The following CAMK4 variants were observed in gnomAD, a reference collection of about 807,000 sequenced individuals.
CAMK4 encodes the protein calcium/calmodulin dependent protein kinase IV.
CAMK4 carries 22 observed loss-of-function variants against 44.9 expected under a neutral mutation model. The observed-to-expected ratio is 0.49, with a 90% CI of 0.35 to 0.70. The LOEUF is 0.70. CAMK4 is among the 30% of genes least tolerant of loss of function. CAMK4 has a pLI of 0.01. For synonymous variants in CAMK4, 218 were observed against 215.4 expected (o/e 1.01, Z -0.11); for missense variants, 498 against 586.8 (o/e 0.85, Z 1.56).
intron 1 of CAMK4, among the ~76,000 whole-genome samples, chr5:111,273,628 A>G (rs1750609286): frequency 7.0e-6 from 1 of 143,800 alleles, no homozygotes. Flanking sequence ...TTCCAGAGGA[A>G]CTAATGTTTC....
At chr5:111,319,246 T>C (rs559659829) in intron 1 of CAMK4, among the ~76,000 whole-genome samples, 12 of 152,144 alleles carry the variant, frequency 7.9e-5, no homozygotes, top group Non-Finnish European at 1.5e-4. Flanking sequence ...AATTTATCAA[T>C]TGAAAAAGTG....
chr5:111,445,005 T>C lies in CAMK4; in HGVS notation c.460-1681T>C, dbSNP rs935842263. Among the ~76,000 whole-genome samples, 3 of 152,178 alleles carry C rather than the reference T, an allele frequency of 2.0e-5. No individual in the cohort carries two copies. The South Asian group carries it at 6.2e-4, about 32-fold the overall frequency. On this transcript the variant is annotated intron_variant, in intron 5 of 10. Coordinates refer to ENST00000282356, the MANE Select transcript of CAMK4 (RefSeq NM_001744.6). ...CATACATTGTTTGTGTGAGTGAAAA[T>C]TGATGGAGGCTTTTAGGAAAGTGAT...
At chr5:111,435,234 C>A (rs1009490108) in intron 5 of CAMK4, among the ~76,000 whole-genome samples, 1 of 152,062 alleles carries the variant, frequency 6.6e-6, no homozygotes, top group African/African-American at 2.4e-5. Flanking sequence ...CTTTAGGAAT[C>A]ATTTATACAT....
At chr5:111,311,457 G>T (rs1748200906) in intron 1 of CAMK4, among the ~76,000 whole-genome samples, 1 of 152,126 alleles carries the variant, frequency 6.6e-6, no homozygotes, top group Non-Finnish European at 1.5e-5. Flanking sequence ...ACGTTGATGG[G>T]CCCCATTCTC....
intron 1 of CAMK4, chr5:111,277,433 T>C (rs994875907): frequency 2.0e-5 from 3 of 152,242 alleles, no homozygotes; most frequent in Non-Finnish European, 4.4e-5. Context: ...TTAAAAGCAA[T>C]GTTTCATTCG....
chr5:111,396,628 A>ATTATTTTT (rs1210775733), intron 5 of CAMK4, among the ~76,000 whole-genome samples: 1 of 41,300 alleles, frequency 2.4e-5, no homozygotes, highest in African/African-American at 1.0e-4. Context: ...ATTAACTCAT[A>ATTATTTTT]TTCTTTTTTT....
intron 1 of CAMK4, among the ~76,000 whole-genome samples, chr5:111,236,773 T>A (rs937991272): frequency 6.6e-6 from 1 of 152,188 alleles, no homozygotes; most frequent in African/African-American, 2.4e-5. Context: ...TGCTTTGTCG[T>A]CTTCACCACC....
At chr5:111,230,307 G>T (rs1261695752) in intron 1 of CAMK4, among the ~76,000 whole-genome samples, 1 of 152,136 alleles carries the variant, frequency 6.6e-6, no homozygotes, top group East Asian at 1.9e-4. Flanking sequence ...AAGGGATTCA[G>T]TTTCACCTTC....
At chr5:111,357,062 A>G (rs928016481) in intron 2 of CAMK4, among the ~76,000 whole-genome samples, 11 of 152,052 alleles carry the variant, frequency 7.2e-5, no homozygotes, top group Non-Finnish European at 1.0e-4. Flanking sequence ...AAATTATGAC[A>G]TTTAACCCCT....
chr5:111,248,931 A>G (rs1001531799), intron 1 of CAMK4, among the ~76,000 whole-genome samples: 1 of 148,254 alleles, frequency 6.7e-6, no homozygotes, highest in African/African-American at 2.5e-5. Context: ...GATCTCTGTT[A>G]AATCCTCTGA....
rs188740969 is a variant in CAMK4 at position 111,479,655 on chromosome 5, G to A, written c.828+1148G>A. Among the ~76,000 whole-genome samples the A allele has an allele frequency of 1.2e-3, 177 of 152,242 alleles. 1 individual carries two copies. Among genetic ancestry groups the A allele is most frequent in the South Asian group, 1.9e-3 (9 of 4,816 alleles). ...AGACATTATTAGGGCTGATCCAGTC[G>A]TCCAGACTCCCTTTCCTGTGCTCTT... On this transcript the variant is annotated intron_variant, in intron 9 of 10. Transcript: ENST00000282356.
chr5:111,264,534 G>A (rs925381367), intron 1 of CAMK4, among the ~76,000 whole-genome samples: 1 of 152,126 alleles, frequency 6.6e-6, no homozygotes, highest in Admixed American at 6.5e-5. Context: ...GTTTGTCAGT[G>A]CTTTGAGAGT....
chr5:111,481,452 A>C (rs1384679865), intron 9 of CAMK4, among the ~76,000 whole-genome samples: 1 of 152,178 alleles, frequency 6.6e-6, no homozygotes, highest in Non-Finnish European at 1.5e-5. Context: ...CCCACTACAA[A>C]TCTAGCCCAA....
intron 1 of CAMK4, among the ~76,000 whole-genome samples, chr5:111,293,195 G>A (rs1265721632): frequency 6.6e-6 from 1 of 152,120 alleles, no homozygotes; most frequent in Admixed American, 6.5e-5. Context: ...CTACAAACAC[G>A]TATGGAGAAA....
intron 1 of CAMK4, among the ~76,000 whole-genome samples, chr5:111,245,646 A>G (rs1192828915): frequency 6.6e-6 from 1 of 152,192 alleles, no homozygotes; most frequent in East Asian, 1.9e-4. Flanking sequence ...GACTTCTCCA[A>G]CTGATTCCCT....
intron 1 of CAMK4, among the ~76,000 whole-genome samples, chr5:111,258,394 C>T (rs1360967510): frequency 1.3e-5 from 2 of 152,098 alleles, no homozygotes; most frequent in African/African-American, 4.8e-5. Flanking sequence ...AAGACACACC[C>T]AAAACTGGGA....
At chr5:111,413,733 G>T (rs555060097) in intron 5 of CAMK4, among the ~76,000 whole-genome samples, 1 of 152,096 alleles carries the variant, frequency 6.6e-6, no homozygotes, top group East Asian at 1.9e-4. Context: ...CAGTAGATTT[G>T]GTTTCATTCT....
chr5:111,369,803 G>A (rs1027040155), intron 2 of CAMK4, among the ~76,000 whole-genome samples: 48 of 152,086 alleles, frequency 3.2e-4, no homozygotes, highest in African/African-American at 1.2e-3. Flanking sequence ...TAATCTCTAG[G>A]TTATTTCTGA....
At chr5:111,356,397 A>G (rs1750356162) in intron 2 of CAMK4, among the ~76,000 whole-genome samples, 1 of 152,040 alleles carries the variant, frequency 6.6e-6, no homozygotes, top group African/African-American at 2.4e-5. Context: ...TAGATTCTGG[A>G]TATTAGCCCT....
Sources: allele counts gnomAD v4.1 joint callset (sites outside exome capture counted in the v4.1 genomes callset), GRCh38; gene constraint gnomAD v4.1.1; transcripts MANE v1.5; gene names NCBI Gene and HGNC (gene_info 2026-07-23, HGNC 2026-07-21).